Variants in RB1 observed in about 807,000 individuals in gnomAD.
RB1 encodes retinoblastoma-associated protein.
Under a neutral mutation model 135.4 loss-of-function variants are expected in RB1, and 18 were observed. That is an observed-to-expected ratio of 0.13 (90% CI 0.09 to 0.20). The LOEUF (loss-of-function observed/expected upper bound fraction) is 0.20. RB1 is among the 10% of genes least tolerant of loss of function. The pLI is 1.00. For synonymous variants in RB1, 365 were observed against 373.2 expected, an observed-to-expected ratio of 0.98 and a Z score of 0.25; for missense variants, 868 against 1,110.0, an observed-to-expected ratio of 0.78 and a Z score of 3.10.
rs564555325 is a variant in RB1 at position 48,409,620 on chromosome 13, C to T, written c.1695+28177C>T. On this transcript the variant is annotated intron_variant, in intron 17 of 26. Transcript: ENST00000267163. ...TTTTTGAGATGGAGTCTCGCTCTGTCGCCCGGCTGGAGTGCAGTGGCGAGA... is the reference window on the plus strand; with the variant it reads ...TTTTTGAGATGGAGTCTCGCTCTGTTGCCCGGCTGGAGTGCAGTGGCGAGA... Among the ~76,000 whole-genome samples, 5 of 134,586 alleles carry T rather than the reference C, an allele frequency of 3.7e-5. 1 individual carries two copies. The highest frequency in any genetic ancestry group is 4.6e-4 in the South Asian group (2 of 4,314). The allele number at this position is 134,586 out of a possible 152,430, so 88.3% of individuals were successfully genotyped here.
chr13:48,319,226 T>G lies in RB1; in HGVS notation c.264+11820T>G, dbSNP rs2138053052. 1 of 799,694 alleles carries G rather than the reference T, an allele frequency of 1.3e-6. No homozygotes were observed. Among genetic ancestry groups the G allele is most frequent in the Admixed American group, 2.7e-5 (1 of 36,698 alleles). The allele number at this position is 799,694 out of a possible 1,614,324, so 49.5% of individuals were successfully genotyped here. A position where few individuals can be genotyped will look rare whatever the true frequency, so the allele number is the denominator to read the frequency against. ...CCACTGGCTTCCTCTAGCTGGGTGT[T>G]TTCCTGTGGGTCTCGCGCAAGGCAC... On this transcript the variant is annotated intron_variant, in intron 2 of 26. Coordinates refer to ENST00000267163, the MANE Select transcript of RB1 (RefSeq NM_000321.3). This position sits in a 1 kb window ranked among gnomAD's most constrained non-coding sequence, Gnocchi z 5.0.
intron 2 of RB1, among the ~76,000 whole-genome samples, chr13:48,311,246 T>C (rs536136769): frequency 1.1e-4 from 16 of 152,358 alleles, no homozygotes; most frequent in African/African-American, 3.8e-4. Flanking sequence ...ATGATATACA[T>C]ATCTCAAAGA....
intron 2 of RB1, among the ~76,000 whole-genome samples, chr13:48,336,825 A>G (rs1952389793): frequency 6.6e-6 from 1 of 152,114 alleles, no homozygotes; most frequent in Admixed American, 6.6e-5. Context: ...ATTTAGTGCT[A>G]TAAATTTCCC....
chr13:48,378,580 C>CT (rs78361349), intron 13 of RB1, among the ~76,000 whole-genome samples: 2,213 of 142,838 alleles, frequency 0.015, 54 homozygotes, highest in African/African-American at 0.048. Context: ...TTACATTTAA[C>CT]TTTTTTTTTT....
intron 2 of RB1, chr13:48,320,417 C>T: frequency 2.7e-6 from 3 of 1,101,440 alleles, no homozygotes; most frequent in Non-Finnish European, 4.1e-6. Context: ...CCTGGTGGGC[C>T]AAAGGCCTCC....
chr13:48,393,870 G>C (rs1398893790), intron 17 of RB1, among the ~76,000 whole-genome samples: 1 of 152,046 alleles, frequency 6.6e-6, no homozygotes, highest in Non-Finnish European at 1.5e-5. Flanking sequence ...CTTTTTCTGT[G>C]GTCACCAAAT....
At chr13:48,418,368 G>A (rs1012254981) in intron 17 of RB1, among the ~76,000 whole-genome samples, 1 of 152,072 alleles carries the variant, frequency 6.6e-6, no homozygotes, top group Non-Finnish European at 1.5e-5. Context: ...CATTACAAGA[G>A]CTCCTGAAGG....
rs2233573 is a variant in RB1 at position 48,411,839 on chromosome 13, A to G, written c.1695+30396A>G. On this transcript the variant is annotated intron_variant, in intron 17 of 26. Transcript: ENST00000267163. ...AACAAGTTACATTTAAAATTAGAGGAATAAAAAATCCCACTATTTCGATGA... is the reference window on the plus strand; with the variant it reads ...AACAAGTTACATTTAAAATTAGAGGGATAAAAAATCCCACTATTTCGATGA... 8.1e-3 allele frequency: 13,087 copies of G among 1,612,776 alleles called. 74 individuals are homozygous for G. Among genetic ancestry groups the G allele is most frequent in the Middle Eastern group, 0.013 (79 of 6,062 alleles).
intron 19 of RB1, among the ~76,000 whole-genome samples, chr13:48,459,275 A>T (rs1342040862): frequency 6.6e-6 from 1 of 152,222 alleles, no homozygotes; most frequent in Admixed American, 6.5e-5. Context: ...TAAAGAACTT[A>T]TTCATGTAAC....
chr13:48,430,892 C>CAGCCTGGG (rs1026744710), intron 17 of RB1, among the ~76,000 whole-genome samples: 7 of 152,064 alleles, frequency 4.6e-5, no homozygotes, highest in African/African-American at 1.7e-4. Context: ...CACTGTACTT[C>CAGCCTGGG]AGCCTGGGTG....
intron 2 of RB1, among the ~76,000 whole-genome samples, chr13:48,336,983 T>G (rs1412192935): frequency 2.0e-5 from 3 of 152,226 alleles, no homozygotes; most frequent in Non-Finnish European, 2.9e-5. Context: ...TCCATGTAGT[T>G]ATGCGGTTTT....
chr13:48,411,299 G>T, intron 17 of RB1: 1 of 1,039,006 alleles, frequency 9.6e-7, no homozygotes, highest in Non-Finnish European at 1.5e-6. Flanking sequence ...AATTTCTTTT[G>T]GAGGTGGAAA....
rs1949531009 is a variant in RB1 at position 48,480,337 on chromosome 13, A to C, written c.*266A>C. 1 of 515,542 alleles carries C rather than the reference A, an allele frequency of 1.9e-6. No homozygotes were observed. The highest frequency in any genetic ancestry group is 3.5e-6 in the Non-Finnish European group (1 of 284,540). The allele number at this position is 515,542 out of a possible 1,614,324, so 31.9% of individuals were successfully genotyped here. On this transcript the variant is annotated 3_prime_UTR_variant, in exon 27 of 27. Transcript: ENST00000267163. ...AGCAGATTGTTTCCTCTTCCAAAGT[A>C]AAATTGCTGTGCTTTATGGATAGTA... is the stretch of plus-strand genomic sequence containing the variant.
intron 2 of RB1, among the ~76,000 whole-genome samples, chr13:48,336,146 C>CTT (rs11407243): frequency 6.6e-6 from 1 of 152,048 alleles, no homozygotes; most frequent in African/African-American, 2.4e-5. Flanking sequence ...CTAAAATTCT[C>CTT]TTTTTTTGTT....
intron 17 of RB1, chr13:48,411,405 T>C (rs1255087286): frequency 1.2e-6 from 2 of 1,611,490 alleles, no homozygotes; most frequent in Non-Finnish European, 8.5e-7. Flanking sequence ...AGCAGATTCA[T>C]TGTCAAATAT....
intron 12 of RB1, among the ~76,000 whole-genome samples, chr13:48,373,804 G>A (rs1463977189): frequency 2.0e-5 from 3 of 151,904 alleles, no homozygotes; most frequent in African/African-American, 7.3e-5. Context: ...TACTTTAGTG[G>A]TATTAATTTG....
chr13:48,323,526 C>A (rs923567132), intron 2 of RB1, among the ~76,000 whole-genome samples: 1 of 151,602 alleles, frequency 6.6e-6, no homozygotes, highest in African/African-American at 2.4e-5. Flanking sequence ...TTTGATCAAA[C>A]GATTTTTCCC....
At chr13:48,465,462 A>G in intron 23 of RB1, 94 bp downstream of exon 23, 5 of 1,251,294 alleles carry the variant, frequency 4.0e-6, no homozygotes, top group African/African-American at 3.0e-5. Flanking sequence ...CATTTCAAAT[A>G]AGCTAGACTC....
intron 17 of RB1, among the ~76,000 whole-genome samples, chr13:48,436,779 T>A (rs554077983): frequency 1.4e-4 from 21 of 152,358 alleles, no homozygotes; most frequent in African/African-American, 4.3e-4. Flanking sequence ...AAAATTCTTC[T>A]ATTTTCTATT....
Sources: allele counts gnomAD v4.1 joint callset (sites outside exome capture counted in the v4.1 genomes callset), GRCh38; gene constraint gnomAD v4.1.1; non-coding constraint Gnocchi (gnomAD v3.1); transcripts MANE v1.5; gene names NCBI Gene and HGNC (gene_info 2026-07-23, HGNC 2026-07-21).